Variants in PLEKHD1 observed in about 807,000 individuals in gnomAD.
PLEKHD1 encodes the protein pleckstrin homology domain-containing family D member 1.
PLEKHD1 carries 51 observed loss-of-function variants against 69.2 expected under a neutral mutation model. The observed-to-expected ratio is 0.74, with a 90% CI of 0.59 to 0.93. The LOEUF (loss-of-function observed/expected upper bound fraction) is 0.93. Ranked by LOEUF, PLEKHD1 falls within the 40% of genes least tolerant of loss-of-function variation. PLEKHD1 has a pLI of 0.00. For missense variants in PLEKHD1, 584 were observed against 641.0 expected (o/e 0.91, Z 0.96); for synonymous variants, 236 against 244.7 (o/e 0.96, Z 0.33).
At chr14:69,491,725 T>C (rs1882780634) in intron 1 of PLEKHD1, among the ~76,000 whole-genome samples, 1 of 152,170 alleles carries the variant, frequency 6.6e-6, no homozygotes, top group African/African-American at 2.4e-5. Context: ...CAAGCTCTGG[T>C]TGAGCCCTTG....
chr14:69,485,123 G>T lies in PLEKHD1; in HGVS notation c.149+9G>T. The stretch of plus-strand genomic sequence containing the variant: ...GCCAAGTGGTCCCGGCGGTGAGTGC[G>T]CCCCCGCGCCCCAAGGAGACCGCCG... On this transcript the variant is annotated intron_variant, in intron 1 of 12. Transcript: ENST00000322564. 6.5e-7 allele frequency: 1 copy of T among 1,547,250 alleles called. No individual in the cohort carries two copies. Among genetic ancestry groups the T allele is most frequent in the Non-Finnish European group, 8.7e-7 (1 of 1,145,002 alleles).
rs372319677 is a variant in PLEKHD1, at chr14:69,522,637, C to T, written c.650+260C>T. Among the ~76,000 whole-genome samples, 78 of 152,236 alleles carry T rather than the reference C, an allele frequency of 5.1e-4. 1 individual carries two copies. In the East Asian group the frequency reaches 6.6e-3, roughly 13 times the overall value. The stretch of plus-strand genomic sequence containing the variant: ...TAAGGCAATGGAGCATCCCTCCAAG[C>T]CACAAAGCCCCCTGCCTTCATGAAA... On this transcript the variant is annotated intron_variant, in intron 7 of 12. Coordinates refer to ENST00000322564, the MANE Select transcript of PLEKHD1 (RefSeq NM_001161498.2).
At position 69,527,902 on chromosome 14, in the gene PLEKHD1, C is replaced by T. The variant is rs950678915; in HGVS notation, c.1321C>T (p.Arg441Ter). The T allele has an allele frequency of 3.3e-5, 51 of 1,551,492 alleles. No homozygotes were observed. The highest frequency in any genetic ancestry group is 8.2e-5 in the African/African-American group (6 of 73,056). ...CCGCATCAAGAGCTGCCGCTTCCAC[C>T]GACGCCGGTCCAGCACCTCCTGGAA... Reference protein sequence around the residue: ...TRRIKSCRFHRRRSSTSWNDM... With the variant: ...TRRIKSCRFH Residue 441 changes from arginine (R) to a stop codon, truncating the protein, a stop_gained, in exon 12 of 13, where the codon CGA (arginine) becomes TGA (stop). Coordinates refer to ENST00000322564, the MANE Select transcript of PLEKHD1 (RefSeq NM_001161498.2). LOFTEE classifies it high-confidence loss of function.
At chr14:69,479,406 G>C in the PLEKHD1 span, among the ~76,000 whole-genome samples, 1 of 152,200 alleles carries the variant, frequency 6.6e-6, no homozygotes, top group Non-Finnish European at 1.5e-5. Flanking sequence ...GGATCAGCTT[G>C]GGGCCTTGAA....
intron 6 of PLEKHD1, among the ~76,000 whole-genome samples, chr14:69,504,960 G>T (rs1173797149): frequency 6.6e-6 from 1 of 152,226 alleles, no homozygotes; most frequent in Non-Finnish European, 1.5e-5. Context: ...ACAGCCACTG[G>T]CAGGGAGAGA....
At chr14:69,484,572 C>A (rs186434345), upstream of PLEKHD1, 1 of 161,876 alleles carries the variant, frequency 6.2e-6, no homozygotes, top group African/African-American at 2.4e-5. Context: ...AGCCGGCGCC[C>A]GCCCTGATTG....
At chr14:69,485,346 C>T (rs1037581679) in intron 1 of PLEKHD1, among the ~76,000 whole-genome samples, 1 of 152,252 alleles carries the variant, frequency 6.6e-6, no homozygotes, top group Admixed American at 6.5e-5. Flanking sequence ...TGGAATGAAC[C>T]TGACCCTCGA....
At chr14:69,496,093 G>C (rs577632782) in intron 1 of PLEKHD1, among the ~76,000 whole-genome samples, 1 of 152,172 alleles carries the variant, frequency 6.6e-6, no homozygotes, top group African/African-American at 2.4e-5. Context: ...ATTTGTACCC[G>C]CATTTTATAG....
the PLEKHD1 span, among the ~76,000 whole-genome samples, chr14:69,473,949 C>A: frequency 6.6e-6 from 1 of 152,170 alleles, no homozygotes. Flanking sequence ...TGGGTGTTTG[C>A]TGGGCTAGGG....
rs1882821834 is a variant in PLEKHD1, at chr14:69,493,506, T to C, written c.150-6609T>C. Among the ~76,000 whole-genome samples, 4 of 152,360 alleles carry C rather than the reference T, an allele frequency of 2.6e-5. No individual in the cohort carries two copies. The South Asian group carries it at 8.3e-4, about 32-fold the overall frequency. On this transcript the variant is annotated intron_variant, in intron 1 of 12. Transcript: ENST00000322564. Reference sequence around the variant, plus strand: ...TAGAAAAAACAAGCACGTTCACAACTATCCTAGCTCCGCCATTCTGAGTTG... The same window carrying C: ...TAGAAAAAACAAGCACGTTCACAACCATCCTAGCTCCGCCATTCTGAGTTG...
chr14:69,476,730 C>G, the PLEKHD1 span, among the ~76,000 whole-genome samples: 2 of 152,150 alleles, frequency 1.3e-5, no homozygotes, highest in Non-Finnish European at 2.9e-5. Context: ...ACCAGCGTGG[C>G]TGGAGCAGAG....
intron 1 of PLEKHD1, among the ~76,000 whole-genome samples, chr14:69,497,611 C>T (rs1440253164): frequency 6.6e-6 from 1 of 152,214 alleles, no homozygotes; most frequent in Non-Finnish European, 1.5e-5. Flanking sequence ...ATGTGCAGGA[C>T]CACGCAAGTG....
chr14:69,481,676 T>G (rs1337383411), upstream of PLEKHD1, among the ~76,000 whole-genome samples: 2 of 152,226 alleles, frequency 1.3e-5, no homozygotes, highest in African/African-American at 4.8e-5. Context: ...AACTTTATTT[T>G]TCTCATCTGG....
chr14:69,487,225 G>A (rs901189020), intron 1 of PLEKHD1, among the ~76,000 whole-genome samples: 40 of 106,510 alleles, frequency 3.8e-4, no homozygotes, highest in African/African-American at 1.1e-3. Context: ...ACACACACAC[G>A]CTATTTAGTC....
chr14:69,495,472 C>T (rs903462496), intron 1 of PLEKHD1, among the ~76,000 whole-genome samples: 2 of 152,248 alleles, frequency 1.3e-5, no homozygotes, highest in Non-Finnish European at 2.9e-5. Flanking sequence ...GTCATGCCTC[C>T]TCTCTGCTTC....
chr14:69,526,792 T>A lies in PLEKHD1; in HGVS notation c.1019T>A (p.Leu340Gln), dbSNP rs1185816991. The A allele has an allele frequency of 1.3e-6, 2 of 1,550,104 alleles. No individual in the cohort carries two copies. The highest frequency in any genetic ancestry group is 1.7e-6 in the Non-Finnish European group (2 of 1,146,304). ...SQALQNSLQE[L>Q]TAEKQQAERE... The stretch of plus-strand genomic sequence containing the variant: ...GCACTGCAGAACTCGCTGCAGGAGC[T>A]GACGGCAGAGAAGCAGCAGGCTGAG... Residue 340 changes from leucine (L) to glutamine (Q), a missense_variant, in exon 10 of 13, where the codon CTG becomes CAG. Physicochemically the swap from Leu to Gln is moderately radical, Grantham distance 113 (BLOSUM62 -2). Coordinates refer to ENST00000322564, the MANE Select transcript of PLEKHD1 (RefSeq NM_001161498.2).
In PLEKHD1 at chr14:69,528,025, C is replaced by T; in HGVS notation, c.1351+93C>T. ...CAGAAGGGTTGGCCCAGCTCTGAGG[C>T]TGGAGAGTGTGGCCTTGAACCTGGC... On this transcript the variant is annotated intron_variant, in intron 12 of 12. Coordinates refer to ENST00000322564, the MANE Select transcript of PLEKHD1 (RefSeq NM_001161498.2). The T allele has an allele frequency of 2.6e-6, 4 of 1,532,244 alleles. No individual in the cohort carries two copies. The South Asian group carries it at 4.8e-5, about 18-fold the overall frequency. 94.9% of individuals were successfully genotyped at this position (1,532,244 alleles called of 1,614,324 possible). A position where few individuals can be genotyped will look rare whatever the true frequency, so the allele number is the denominator to read the frequency against.
chr14:69,510,794 G>A (rs1196188100), intron 6 of PLEKHD1, among the ~76,000 whole-genome samples: 1 of 152,182 alleles, frequency 6.6e-6, no homozygotes, highest in Non-Finnish European at 1.5e-5. Context: ...ACAATGTTGA[G>A]AAGCACTGGT....
chr14:69,482,558 C>T (rs1882561442), upstream of PLEKHD1, among the ~76,000 whole-genome samples: 1 of 152,190 alleles, frequency 6.6e-6, no homozygotes, highest in African/African-American at 2.4e-5. Flanking sequence ...GCCCACCTCC[C>T]CATGACTGCT....
Sources: gnomAD v4.1 joint callset for allele counts (sites outside exome capture counted in the v4.1 genomes callset) on GRCh38, gnomAD v4.1.1 for gene constraint, MANE v1.5 for transcripts, NCBI Gene and HGNC (gene_info 2026-07-23, HGNC 2026-07-21) for gene names.